The following MYH13 variants were observed in gnomAD, a reference collection of about 807,000 sequenced individuals.
The protein encoded by MYH13 is myosin-13.
Under a neutral mutation model 232.1 loss-of-function variants are expected in MYH13, and 177 were observed. That is an observed-to-expected ratio of 0.76 (90% CI 0.67 to 0.86). The LOEUF is 0.86. MYH13 is among the 40% of genes least tolerant of loss of function. MYH13 has a pLI of 0.00. For synonymous variants in MYH13, 884 were observed against 923.5 expected (o/e 0.96, Z 0.78); for missense variants, 2,246 against 2,405.9 (o/e 0.93, Z 1.39).
intron 12 of MYH13, among the ~76,000 whole-genome samples, chr17:10,347,242 G>A (rs2071673222): frequency 6.6e-6 from 1 of 152,128 alleles, no homozygotes; most frequent in Non-Finnish European, 1.5e-5. Flanking sequence ...GCAAGCGCCT[G>A]TAGTCCCAGC....
At chr17:10,302,355 A>G (rs886351039) in intron 39 of MYH13, among the ~76,000 whole-genome samples, 2 of 152,202 alleles carry the variant, frequency 1.3e-5, no homozygotes, top group Non-Finnish European at 2.9e-5. Context: ...TCCTCAGAAC[A>G]GTAGCCCTGA....
At position 10,306,366 on chromosome 17, in the gene MYH13, A is replaced by T. The variant is rs1906285359; in HGVS notation, c.5466+93T>A. 3 of 1,551,786 alleles carry T rather than the reference A, an allele frequency of 1.9e-6. No individual in the cohort carries two copies. The highest frequency in any genetic ancestry group is 2.4e-5 in the South Asian group (2 of 84,250). On this transcript the variant is annotated intron_variant, in intron 37 of 40. Transcript: ENST00000252172. The surrounding 1 kb of genome is among the most constrained non-coding windows in gnomAD (Gnocchi z 4.3). Reference sequence around the variant, plus strand: ...CTGAAACTGAATTTGCAATCTATTCATTCAGTGGCCTTTTCCCACCATCTC... The same window carrying T: ...CTGAAACTGAATTTGCAATCTATTCTTTCAGTGGCCTTTTCCCACCATCTC...
chr17:10,328,231 G>C lies in MYH13; in HGVS notation c.2436-110C>G, dbSNP rs1907286892. ...TCCGTCTTTCTCGGTTAGGTGGGAA[G>C]GAGGTGCAGCCAAGCTTGGCAGATC... On this transcript the variant is annotated intron_variant, in intron 21 of 40. Transcript: ENST00000252172. The C allele has an allele frequency of 2.6e-5, 34 of 1,311,756 alleles. No homozygotes were observed. The South Asian group carries it at 4.7e-4, about 18-fold the overall frequency. 81.3% of individuals were successfully genotyped at this position (1,311,756 alleles called of 1,614,324 possible).
intron 13 of MYH13, among the ~76,000 whole-genome samples, chr17:10,345,888 G>A (rs1291313425): frequency 6.6e-6 from 1 of 150,854 alleles, no homozygotes; most frequent in Non-Finnish European, 1.5e-5. Flanking sequence ...AGCTATTCGG[G>A]AGGCTGAGGC....
chr17:10,324,031 T>C lies in MYH13; in HGVS notation c.2925A>G (p.Thr975=), dbSNP rs187871252. The C allele has an allele frequency of 1.9e-6, 3 of 1,614,018 alleles. No homozygotes were observed. Among genetic ancestry groups the C allele is most frequent in the Non-Finnish European group, 2.5e-6 (3 of 1,179,944 alleles). The change falls in exon 23 of 41, where the codon ACA becomes ACG. Residue 975 remains threonine (T), a synonymous_variant. Coordinates refer to ENST00000252172, the MANE Select transcript of MYH13 (RefSeq NM_003802.3). ...LTKVEKEKHA[T]ENKVKNLSEE... Reference sequence around the variant, plus strand: ...CCTTGGGTTTGCTCACCTTGTTCTCTGTGGCATGCTTCTCCTTTTCAACTT... The same window carrying C: ...CCTTGGGTTTGCTCACCTTGTTCTCCGTGGCATGCTTCTCCTTTTCAACTT...
At chr17:10,323,873 G>A in intron 23 of MYH13, 149 bp downstream of exon 23, 2 of 959,892 alleles carry the variant, frequency 2.1e-6, no homozygotes, top group Non-Finnish European at 3.0e-6. Context: ...AGAACTTGTT[G>A]GGACTTAACT....
intron 21 of MYH13, among the ~76,000 whole-genome samples, chr17:10,328,505 C>T (rs182374757): frequency 3.3e-5 from 5 of 152,272 alleles, no homozygotes; most frequent in African/African-American, 1.2e-4. Flanking sequence ...CAGCTCTTAA[C>T]TTTTGAAACT....
intron 12 of MYH13, among the ~76,000 whole-genome samples, chr17:10,350,199 GTAAT>G (rs1213426386): frequency 1.3e-5 from 2 of 152,128 alleles, no homozygotes; most frequent in Non-Finnish European, 1.5e-5. Context: ...TTAGGCCTGA[GTAAT>G]TAAGACTGCA....
intron 8 of MYH13, among the ~76,000 whole-genome samples, chr17:10,355,878 T>C (rs1220647140): frequency 2.9e-5 from 4 of 136,344 alleles, no homozygotes; most frequent in African/African-American, 8.3e-5. Context: ...GCTTGTATCT[T>C]AATAGATGCT....
At position 10,314,416 on chromosome 17, in the gene MYH13, A is replaced by C. The variant is rs1395598793; in HGVS notation, c.3985-1062T>G. Among the ~76,000 whole-genome samples, 4 of 139,380 alleles carry C rather than the reference A, an allele frequency of 2.9e-5. No individual in the cohort carries two copies. The Admixed American group carries it at 2.9e-4, about 10-fold the overall frequency. The allele number at this position is 139,380 out of a possible 152,430, so 91.4% of individuals were successfully genotyped here. On this transcript the variant is annotated intron_variant, in intron 29 of 40. Transcript: ENST00000252172. ...GGCAACAAGAGTGAAACTCCATCTCAAAAAAAAAAAAAAAGGCAATAAATG... is the reference window on the plus strand; with the variant it reads ...GGCAACAAGAGTGAAACTCCATCTCCAAAAAAAAAAAAAAGGCAATAAATG...
At position 10,362,445 on chromosome 17, in the gene MYH13, A is replaced by G; in HGVS notation, c.263T>C (p.Ile88Thr). ...GTGAGTCATCATGGCCATGTCCTCG[A>G]TCTTGTCAAATTTGGGAGGGTTCAT... is the stretch of plus-strand genomic sequence containing the variant. ...FPMNPPKFDK[I>T]EDMAMMTHLH... is the part of the protein sequence containing the mutation. The change falls in exon 4 of 41, where the codon ATC becomes ACC. Residue 88 changes from isoleucine (I) to threonine (T), a missense_variant. Coordinates refer to ENST00000252172, the MANE Select transcript of MYH13 (RefSeq NM_003802.3). 3 of 1,614,138 alleles carry G rather than the reference A, an allele frequency of 1.9e-6. No homozygotes were observed. Among genetic ancestry groups the G allele is most frequent in the Non-Finnish European group, 2.5e-6 (3 of 1,180,022 alleles).
chr17:10,306,679 C>A lies in MYH13; in HGVS notation c.5296-50G>T, dbSNP rs765727706. 3.5e-5 allele frequency: 57 copies of A among 1,607,836 alleles called. No homozygotes were observed. In the Admixed American group the frequency reaches 9.6e-4, roughly 27 times the overall value. ...AGAGGCCCTGTCCGCCCATCCCTAC[C>A]CAGAGCTTGCAGAAGAGGCGAAGGC... On this transcript the variant is annotated intron_variant, in intron 36 of 40. Coordinates refer to ENST00000252172, the MANE Select transcript of MYH13 (RefSeq NM_003802.3). The surrounding 1 kb of genome is among the most constrained non-coding windows in gnomAD (Gnocchi z 4.3).
intron 2 of MYH13, among the ~76,000 whole-genome samples, chr17:10,367,183 G>A (rs1316914355): frequency 4.6e-5 from 7 of 152,134 alleles, no homozygotes; most frequent in East Asian, 1.9e-4. Flanking sequence ...GTTTCAGGAC[G>A]CCTTCGCACT....
Position 10,350,552 on chromosome 17 carries a change from T to A in MYH13, c.1144+4A>T. ...AATCGCATCCCTTTCCCAGATGCAG[T>A]TACCTTCGGTGCCGTCTGGCTCCGC... On this transcript the variant is annotated splice_donor_region_variant and intron_variant, in intron 12 of 40. Coordinates refer to ENST00000252172, the MANE Select transcript of MYH13 (RefSeq NM_003802.3). The A allele has an allele frequency of 6.2e-7, 1 of 1,611,708 alleles. No homozygotes were observed. The highest frequency in any genetic ancestry group is 8.5e-7 in the Non-Finnish European group (1 of 1,179,484).
chr17:10,366,624 G>A (rs993663828), intron 2 of MYH13, among the ~76,000 whole-genome samples: 23 of 151,906 alleles, frequency 1.5e-4, no homozygotes, highest in South Asian at 4.1e-4. Context: ...CAGGTGATCC[G>A]CCCACCTTGG....
chr17:10,309,971 A>G (rs1171080876), intron 33 of MYH13, 141 bp from the exon 34 acceptor site: 5 of 664,042 alleles, frequency 7.5e-6, no homozygotes, highest in Non-Finnish European at 1.1e-5. Context: ...TGGTAGAGAC[A>G]GGGTCTGTGT....
chr17:10,367,120 T>C (rs2071843713), intron 2 of MYH13, among the ~76,000 whole-genome samples: 1 of 152,234 alleles, frequency 6.6e-6, no homozygotes, highest in South Asian at 2.1e-4. Flanking sequence ...AGATAGTCCC[T>C]AATGTAATGG....
chr17:10,343,955 G>A lies in MYH13; in HGVS notation c.1739C>T (p.Ser580Leu), dbSNP rs189677868. 3 of 1,614,234 alleles carry A rather than the reference G, an allele frequency of 1.9e-6. No homozygotes were observed. Among genetic ancestry groups the A allele is most frequent in the East Asian group, 2.2e-5 (1 of 44,884 alleles). Residue 580 changes from serine to leucine, a missense_variant, in exon 16 of 41, where the codon TCG becomes TTG. Ser to Leu is a moderately radical substitution (Grantham distance 145, BLOSUM62 -2). Transcript: ENST00000252172. ...PAKGKAEAHF[S>L]LVHYAGTVDY... Reference sequence around the variant, plus strand: ...CACGGTGCCGGCATAGTGCACCAGCGAGAAGTGAGCCTCAGCCTTGCCTTT... The same window carrying A: ...CACGGTGCCGGCATAGTGCACCAGCAAGAAGTGAGCCTCAGCCTTGCCTTT...
chr17:10,355,150 G>A lies in MYH13; in HGVS notation c.739-3C>T. ...AAATGAATCCGAATGAACTTCCCCT[G>A]TCCAATAACAGGTGGACAAATGTTA... On this transcript the variant is annotated splice_region_variant and splice_polypyrimidine_tract_variant and intron_variant, in intron 8 of 40. Coordinates refer to ENST00000252172, the MANE Select transcript of MYH13 (RefSeq NM_003802.3). 1 of 1,570,348 alleles carries A rather than the reference G, an allele frequency of 6.4e-7. No individual in the cohort carries two copies. Among genetic ancestry groups the A allele is most frequent in the Non-Finnish European group, 8.6e-7 (1 of 1,156,172 alleles).
Sources: gnomAD v4.1 joint callset for allele counts (sites outside exome capture counted in the v4.1 genomes callset) on GRCh38, gnomAD v4.1.1 for gene constraint, Gnocchi (gnomAD v3.1) non-coding constraint, MANE v1.5 for transcripts, NCBI Gene and HGNC (gene_info 2026-07-23, HGNC 2026-07-21) for gene names.